Variants in OGG1 observed in about 807,000 individuals in gnomAD.
The protein encoded by OGG1 is N-glycosylase/DNA lyase.
A neutral mutation model predicts 42.3 loss-of-function variants in OGG1; 35 were observed. The observed-to-expected ratio is 0.83, with a 90% CI of 0.63 to 1.10. OGG1 has a LOEUF of 1.10. Ranked by LOEUF, OGG1 falls within the 50% of genes least tolerant of loss-of-function variation. OGG1 has a pLI of 0.00. For synonymous variants in OGG1, 189 were observed against 179.0 expected (o/e 1.06, Z -0.44); for missense variants, 484 against 446.7 (o/e 1.08, Z -0.75).
chr3:9,759,675 G>A, downstream of OGG1: 1 of 1,614,202 alleles, frequency 6.2e-7, no homozygotes, highest in Non-Finnish European at 8.5e-7. Context: ...TTCTCACCAT[G>A]GGTGCTGCAA....
intron 2 of OGG1, among the ~76,000 whole-genome samples, chr3:9,779,635 C>T (rs898209111): frequency 6.6e-6 from 1 of 152,054 alleles, no homozygotes; most frequent in East Asian, 1.9e-4. Flanking sequence ...TACACATGTA[C>T]CCTAGAACTT....
intron 2 of OGG1, among the ~76,000 whole-genome samples, chr3:9,776,369 CT>C (rs1373363054): frequency 6.8e-6 from 1 of 147,322 alleles, no homozygotes; most frequent in East Asian, 2.0e-4. Context: ...GCACAGTCTT[CT>C]TTTTTCTTTT....
chr3:9,787,222 G>A (rs1413495106), intron 3 of OGG1: 2 of 1,614,192 alleles, frequency 1.2e-6, no homozygotes, highest in Admixed American at 1.7e-5. Context: ...TTCGGTCAGT[G>A]GCCCCATGAG....
intron 2 of OGG1, among the ~76,000 whole-genome samples, chr3:9,779,066 T>C (rs1003277364): frequency 6.6e-6 from 1 of 152,048 alleles, no homozygotes; most frequent in Admixed American, 6.6e-5. Flanking sequence ...CCAGAGCATA[T>C]TTATTCATCT....
intron 2 of OGG1, among the ~76,000 whole-genome samples, chr3:9,773,885 A>G (rs138513945): frequency 8.6e-5 from 13 of 151,690 alleles, no homozygotes; most frequent in Non-Finnish European, 8.8e-5. Context: ...TATTTTTTGT[A>G]GATATCGGGT....
rs750848581 is a variant in OGG1 at position 9,751,759 on chromosome 3, C to T, written c.386-11C>T. On this transcript the variant is annotated splice_polypyrimidine_tract_variant and intron_variant, in intron 2 of 6. Coordinates refer to ENST00000344629, the MANE Select transcript of OGG1 (RefSeq NM_002542.6). ...GGTACCTCTCCTACCCCCTGCATTT[C>T]TGGTCTCCAGGTGTGCGACTGCTGC... The T allele has an allele frequency of 1.2e-6, 2 of 1,614,150 alleles. No individual in the cohort carries two copies. Among genetic ancestry groups the T allele is most frequent in the Non-Finnish European group, 8.5e-7 (1 of 1,179,970 alleles).
At chr3:9,758,080 A>G, downstream of OGG1, 1 of 527,200 alleles carries the variant, frequency 1.9e-6, no homozygotes, top group Non-Finnish European at 3.2e-6. Flanking sequence ...TAGAAACATA[A>G]CTATAATTCA....
At chr3:9,789,135 C>T (rs55807755), downstream of OGG1, among the ~76,000 whole-genome samples, 1 of 152,008 alleles carries the variant, frequency 6.6e-6, no homozygotes, top group Non-Finnish European at 1.5e-5. Context: ...TGCTCCCAGC[C>T]CAAGTTTTAT....
intron 5 of OGG1, 60 bp from the exon 6 acceptor site, chr3:9,756,707 A>C (rs1377046112): frequency 6.2e-7 from 1 of 1,612,598 alleles, no homozygotes; most frequent in South Asian, 1.1e-5. Flanking sequence ...CTCAGACCCT[A>C]CTTCTGTTGA....
chr3:9,789,922 G>A, downstream of OGG1: 2 of 1,612,142 alleles, frequency 1.2e-6, no homozygotes, highest in Non-Finnish European at 1.7e-6. Flanking sequence ...CCAGCTTCAG[G>A]AATCGTCTGT....
chr3:9,780,519 C>T, intron 2 of OGG1: 3 of 1,605,656 alleles, frequency 1.9e-6, no homozygotes, highest in Non-Finnish European at 2.5e-6. Context: ...GCTGCCTCAG[C>T]TCCTGCCGGC....
chr3:9,781,335 ACTCT>A (rs751423496), intron 2 of OGG1, among the ~76,000 whole-genome samples: 74 of 151,074 alleles, frequency 4.9e-4, no homozygotes, highest in South Asian at 8.4e-4. Context: ...AGGCACACCC[ACTCT>A]CTCTCTCTGT....
chr3:9,760,579 G>A (rs1329392430), downstream of OGG1: 5 of 1,472,254 alleles, frequency 3.4e-6, no homozygotes, highest in Admixed American at 8.4e-5. Context: ...AGGAAGGCAG[G>A]AGGGAGACCG....
At chr3:9,767,824 CT>C, downstream of OGG1, 2 of 1,587,406 alleles carry the variant, frequency 1.3e-6, no homozygotes, top group South Asian at 1.1e-5. Context: ...GAGCCCAGCC[CT>C]CTGTCTGGGA....
chr3:9,771,798 C>T (rs2078303296), intron 2 of OGG1, among the ~76,000 whole-genome samples: 1 of 142,070 alleles, frequency 7.0e-6, no homozygotes, highest in African/African-American at 2.6e-5. Context: ...CTTTCGAGGA[C>T]TTGTACAACT....
At chr3:9,758,066 TA>T (rs1273128338), downstream of OGG1, 1 of 590,510 alleles carries the variant, frequency 1.7e-6, no homozygotes, top group Non-Finnish European at 2.8e-6. Context: ...TCTATATATA[TA>T]AATAGAAACA....
At chr3:9,783,978 C>T in intron 3 of OGG1, 1 of 1,567,142 alleles carries the variant, frequency 6.4e-7, no homozygotes, top group Non-Finnish European at 8.7e-7. Context: ...CTAGCCGTGG[C>T]CACAGCCTCC....
chr3:9,764,831 C>A (rs889345938), intron 7 of OGG1, among the ~76,000 whole-genome samples: 5 of 151,798 alleles, frequency 3.3e-5, no homozygotes, highest in Admixed American at 2.0e-4. Flanking sequence ...AGGGTTTCTC[C>A]GTGTTGGTCA....
At chr3:9,763,090 G>C (rs956336718) in intron 7 of OGG1, 9 of 1,614,106 alleles carry the variant, frequency 5.6e-6, no homozygotes, top group Non-Finnish European at 7.6e-6. Flanking sequence ...AAAGAGGGTT[G>C]GGACAGCTGG....
Sources: allele counts gnomAD v4.1 joint callset (sites outside exome capture counted in the v4.1 genomes callset), GRCh38; gene constraint gnomAD v4.1.1; transcripts MANE v1.5; gene names NCBI Gene and HGNC (gene_info 2026-07-23, HGNC 2026-07-21).